Variants in MEF2C observed in about 807,000 individuals in gnomAD.
MEF2C encodes the protein myocyte-specific enhancer factor 2C.
A neutral mutation model predicts 50.5 loss-of-function variants in MEF2C; 6 were observed. The observed-to-expected ratio is 0.12, with a 90% confidence interval of 0.07 to 0.23. The LOEUF is 0.23. Among genes scored for constraint, MEF2C ranks in the 10% least tolerant of loss-of-function variants. The pLI, the probability that MEF2C is intolerant of heterozygous loss-of-function variation, is 1.00. For synonymous variants in MEF2C, 183 were observed against 228.0 expected, an observed-to-expected ratio of 0.80 and a Z score of 1.78; for missense variants, 276 against 605.0, an observed-to-expected ratio of 0.46 and a Z score of 5.70.
At chr5:88,740,632 G>A in intron 6 of MEF2C, 2 of 982,324 alleles carry the variant, frequency 2.0e-6, no homozygotes, top group Non-Finnish European at 2.4e-6. Context: ...ATGCATCCTT[G>A]TATTTGCAAA....
chr5:88,778,457 C>A (rs1360816929), intron 3 of MEF2C, among the ~76,000 whole-genome samples: 2 of 152,066 alleles, frequency 1.3e-5, no homozygotes, highest in Non-Finnish European at 2.9e-5. Context: ...ATGGGGGATG[C>A]AAAGGCTGGT....
chr5:88,816,306 C>A (rs1399827519), intron 2 of MEF2C, among the ~76,000 whole-genome samples: 2 of 151,864 alleles, frequency 1.3e-5, no homozygotes, highest in African/African-American at 4.8e-5. Flanking sequence ...ATGCACCGAA[C>A]AGGATAAATA....
upstream of MEF2C, among the ~76,000 whole-genome samples, chr5:88,886,239 C>G (rs1262034391): frequency 1.3e-5 from 2 of 152,196 alleles, no homozygotes; most frequent in Non-Finnish European, 2.9e-5. Flanking sequence ...TAAAATTATT[C>G]ATGAGTAATC....
At chr5:88,865,874 C>A (rs967041145) in intron 1 of MEF2C, among the ~76,000 whole-genome samples, 1 of 151,844 alleles carries the variant, frequency 6.6e-6, no homozygotes, top group Admixed American at 6.6e-5. Context: ...ATCCCCAAAT[C>A]TTTAAGTCAC....
In MEF2C at chr5:88,840,943, C is replaced by T. The variant is rs373725302; in HGVS notation, c.-142-17013G>A. On this transcript the variant is annotated intron_variant, in intron 1 of 10. Coordinates refer to ENST00000504921, the MANE Select transcript of MEF2C (RefSeq NM_002397.5). The stretch of plus-strand genomic sequence containing the variant: ...CTTTATTAACAAAGATGAAAATATT[C>T]TCATAGCACCAGTTCTTATATGATG... Among the ~76,000 whole-genome samples the T allele has an allele frequency of 3.9e-5, 6 of 152,266 alleles. No homozygotes were observed. The South Asian group carries it at 1.2e-3, about 32-fold the overall frequency.
At chr5:88,894,712 T>A (rs1834934826) in intron 1 of MEF2C, among the ~76,000 whole-genome samples, 1 of 152,236 alleles carries the variant, frequency 6.6e-6, no homozygotes, top group South Asian at 2.1e-4. Flanking sequence ...TTTCAAAGTA[T>A]TTTTGATATG....
At chr5:88,768,603 A>C in intron 3 of MEF2C, 3 of 753,694 alleles carry the variant, frequency 4.0e-6, no homozygotes, top group Non-Finnish European at 3.2e-6. Context: ...AACTTAGCAC[A>C]AGGCCTGGCA....
At chr5:88,808,409 T>A (rs1241136129) in intron 2 of MEF2C, among the ~76,000 whole-genome samples, 1 of 152,160 alleles carries the variant, frequency 6.6e-6, no homozygotes, top group Non-Finnish European at 1.5e-5. Context: ...ACACTCATAA[T>A]CAAAGTACAT....
intron 6 of MEF2C, chr5:88,743,654 T>C: frequency 5.1e-6 from 5 of 985,302 alleles, no homozygotes; most frequent in Non-Finnish European, 6.0e-6. Context: ...TGCTGAGTCA[T>C]GACCTAAGGT....
At chr5:88,795,437 T>C (rs979280518) in intron 3 of MEF2C, among the ~76,000 whole-genome samples, 13 of 152,186 alleles carry the variant, frequency 8.5e-5, no homozygotes, top group Admixed American at 6.5e-4. Flanking sequence ...ATGATTTCTC[T>C]GTTTATCTGT....
intron 6 of MEF2C, 79 bp downstream of exon 6, chr5:88,748,991 A>T (rs916717310): frequency 1.9e-6 from 3 of 1,549,116 alleles, no homozygotes; most frequent in Non-Finnish European, 2.6e-6. Context: ...TTATTTGTTC[A>T]AAAGACTTTG....
rs920812474 is a variant in MEF2C at position 88,820,613 on chromosome 5, C to A, written c.54+3122G>T. On this transcript the variant is annotated intron_variant, in intron 2 of 10. Coordinates refer to ENST00000504921, the MANE Select transcript of MEF2C (RefSeq NM_002397.5). ...TAAACAAGTGCAATGGCAGAGCAGTCTTTGACAACTTTTAAGAAAAGATGA... is the reference window on the plus strand; with the variant it reads ...TAAACAAGTGCAATGGCAGAGCAGTATTTGACAACTTTTAAGAAAAGATGA... Among the ~76,000 whole-genome samples, 4 of 152,004 alleles carry A rather than the reference C, an allele frequency of 2.6e-5. No individual in the cohort carries two copies. The South Asian group carries it at 8.3e-4, about 31-fold the overall frequency.
intron 1 of MEF2C, among the ~76,000 whole-genome samples, chr5:88,866,094 CA>C (rs752693257): frequency 1.3e-5 from 2 of 152,134 alleles, no homozygotes; most frequent in Non-Finnish European, 2.9e-5. Context: ...GACGGGGTTT[CA>C]CCGTGTTAGC....
At chr5:88,785,889 G>A (rs929375826) in intron 3 of MEF2C, among the ~76,000 whole-genome samples, 2 of 151,946 alleles carry the variant, frequency 1.3e-5, no homozygotes, top group African/African-American at 2.4e-5. Flanking sequence ...GCACCTAGAA[G>A]TCTGAAGAGA....
intron 3 of MEF2C, among the ~76,000 whole-genome samples, 159 bp from the exon 4 acceptor site, chr5:88,761,487 C>T (rs1398810683): frequency 3.3e-5 from 5 of 152,146 alleles, no homozygotes; most frequent in Non-Finnish European, 7.4e-5. Context: ...TCATTTCAAT[C>T]GAGTGCTCAT....
chr5:88,870,408 T>C (rs1470673776), intron 1 of MEF2C, among the ~76,000 whole-genome samples: 3 of 152,104 alleles, frequency 2.0e-5, no homozygotes, highest in Non-Finnish European at 4.4e-5. Flanking sequence ...TATAGTGGCA[T>C]GTTCTGACAC....
At chr5:88,843,409 AATCT>A in intron 1 of MEF2C, 1 of 985,268 alleles carries the variant, frequency 1.0e-6, no homozygotes, top group Non-Finnish European at 1.2e-6. Flanking sequence ...TAAAAAAATC[AATCT>A]ATCTTTGGAA....
chr5:88,855,776 T>G (rs922535011), intron 1 of MEF2C, among the ~76,000 whole-genome samples: 1 of 152,228 alleles, frequency 6.6e-6, no homozygotes, highest in African/African-American at 2.4e-5. Flanking sequence ...TTCCTGATAC[T>G]TCTACAGCCT....
At chr5:88,829,540 A>G (rs1482825603) in intron 1 of MEF2C, among the ~76,000 whole-genome samples, 1 of 152,062 alleles carries the variant, frequency 6.6e-6, no homozygotes, top group East Asian at 1.9e-4. Context: ...ATCAGTTAAG[A>G]TGTGTATCTC....
Sources: allele counts gnomAD v4.1 joint callset (sites outside exome capture counted in the v4.1 genomes callset), GRCh38; gene constraint gnomAD v4.1.1; transcripts MANE v1.5; gene names NCBI Gene and HGNC (gene_info 2026-07-23, HGNC 2026-07-21).